The following MYH10 variants were observed in gnomAD, a reference collection of about 807,000 sequenced individuals.
The protein encoded by MYH10 is myosin-10.
A neutral mutation model predicts 257.8 loss-of-function variants in MYH10; 55 were observed. That is an observed-to-expected ratio of 0.21 (90% CI 0.17 to 0.27). The LOEUF (loss-of-function observed/expected upper bound fraction) is 0.27. Among genes scored for constraint, MYH10 ranks in the 10% least tolerant of loss-of-function variants. MYH10 has a pLI of 1.00. For synonymous variants in MYH10, 854 were observed against 921.7 expected (o/e 0.93, Z 1.33); for missense variants, 1,631 against 2,500.6 (o/e 0.65, Z 7.42).
chr17:8,561,260 G>A, intron 7 of MYH10: 2 of 965,878 alleles, frequency 2.1e-6, no homozygotes, highest in South Asian at 1.3e-5. Flanking sequence ...CAAAGGTCGT[G>A]CTGAAAAGGG....
At chr17:8,614,780 C>T (rs2085190069) in intron 2 of MYH10, among the ~76,000 whole-genome samples, 1 of 151,994 alleles carries the variant, frequency 6.6e-6, no homozygotes, top group African/African-American at 2.4e-5. Context: ...AGAGGACCAA[C>T]AAAGTCAAAA....
chr17:8,491,329 A>T (rs1289517410), intron 34 of MYH10, among the ~76,000 whole-genome samples: 1 of 152,218 alleles, frequency 6.6e-6, no homozygotes, highest in Non-Finnish European at 1.5e-5. Flanking sequence ...CAGAAAACGA[A>T]CATGAAATCA....
chr17:8,523,650 G>C (rs1047126531), intron 17 of MYH10, among the ~76,000 whole-genome samples: 4 of 152,190 alleles, frequency 2.6e-5, no homozygotes, highest in Admixed American at 2.0e-4. Context: ...CTGGGGAAGG[G>C]GGAGGGAGAA....
intron 38 of MYH10, 117 bp downstream of exon 38, chr17:8,481,205 G>T: frequency 2.0e-6 from 2 of 984,522 alleles, no homozygotes; most frequent in Non-Finnish European, 3.1e-6. Context: ...GGCAGCCCAG[G>T]CCCAGCGAGG....
intron 42 of MYH10, 126 bp from the exon 43 acceptor site, chr17:8,476,074 G>C (rs767420236): frequency 1.6e-5 from 18 of 1,111,852 alleles, no homozygotes; most frequent in Non-Finnish European, 2.3e-5. Flanking sequence ...ACGACCTTGT[G>C]GGGGTGGCGG....
chr17:8,606,796 T>C (rs141186974), intron 2 of MYH10, among the ~76,000 whole-genome samples: 53 of 152,356 alleles, frequency 3.5e-4, no homozygotes, highest in African/African-American at 1.2e-3. Flanking sequence ...GCCTTACTAC[T>C]GAGCAGACCA....
chr17:8,492,630 C>CCTTTTTTTTTTTTTTTTTTTTTT, intron 33 of MYH10, 121 bp from the exon 34 acceptor site: 1 of 1,184,178 alleles, frequency 8.4e-7, no homozygotes, highest in Non-Finnish European at 1.1e-6. Flanking sequence ...TCTTGTATTT[C>CCTTTTTTTTTTTTTTTTTTTTTT]CTTTTTTTTT....
intron 17 of MYH10, among the ~76,000 whole-genome samples, chr17:8,526,314 C>T (rs2151913818): frequency 6.6e-6 from 1 of 152,280 alleles, no homozygotes. Flanking sequence ...GAGAAGACTC[C>T]AGCAGCTCCT....
At chr17:8,509,359 A>T (rs1397808393) in intron 25 of MYH10, among the ~76,000 whole-genome samples, 1 of 152,182 alleles carries the variant, frequency 6.6e-6, no homozygotes, top group Non-Finnish European at 1.5e-5. Flanking sequence ...TTGTACGAGG[A>T]TAAAATAACT....
At chr17:8,488,484 GTCATGTATTT>G (rs1451652283) in intron 35 of MYH10, among the ~76,000 whole-genome samples, 1 of 152,090 alleles carries the variant, frequency 6.6e-6, no homozygotes, top group Non-Finnish European at 1.5e-5. Context: ...TGAATGTTTC[GTCATGTATTT>G]ATTAAGGTAT....
chr17:8,590,128 G>A (rs555854704), intron 3 of MYH10, among the ~76,000 whole-genome samples: 229 of 152,194 alleles, frequency 1.5e-3, no homozygotes, highest in African/African-American at 5.3e-3. Flanking sequence ...GGATGCCTCC[G>A]GTGCCTAAGG....
intron 7 of MYH10, among the ~76,000 whole-genome samples, chr17:8,561,838 T>C (rs1010794214): frequency 6.6e-6 from 1 of 152,016 alleles, no homozygotes; most frequent in East Asian, 1.9e-4. Flanking sequence ...GCCATGATAG[T>C]GAGTGCCAGT....
Position 8,490,176 on chromosome 17 carries a change from T to C in MYH10, c.4884+164A>G, listed in dbSNP as rs1386586527. On this transcript the variant is annotated intron_variant, in intron 35 of 42. Coordinates refer to ENST00000360416, the MANE Select transcript of MYH10 (RefSeq NM_001256012.3). This position sits in a 1 kb window ranked among gnomAD's most constrained non-coding sequence, Gnocchi z 4.1. ...AAGACCTAAACTAATTACAATAAAA[T>C]TTAAATAATAAAATTCTCAAATGAC... The C allele has an allele frequency of 2.7e-5, 17 of 622,860 alleles. No homozygotes were observed. In the East Asian group the frequency reaches 4.8e-4, roughly 18 times the overall value. The allele number at this position is 622,860 out of a possible 1,614,324, so 38.6% of individuals were successfully genotyped here. A position where few individuals can be genotyped will look rare whatever the true frequency, so the allele number is the denominator to read the frequency against.
intron 36 of MYH10, 124 bp downstream of exon 36, chr17:8,487,309 G>T: frequency 8.8e-7 from 1 of 1,131,968 alleles, no homozygotes; most frequent in Non-Finnish European, 1.3e-6. Flanking sequence ...TTTATGGCCT[G>T]CTGCCCCACC....
At chr17:8,591,765 G>C (rs1282269700) in intron 3 of MYH10, among the ~76,000 whole-genome samples, 1 of 151,954 alleles carries the variant, frequency 6.6e-6, no homozygotes, top group Admixed American at 6.6e-5. Flanking sequence ...CACGCTTCTT[G>C]CTATCCCACC....
chr17:8,589,093 G>T lies in MYH10; in HGVS notation c.518C>A (p.Ser173Ter). Residue 173 changes from serine (S) to a stop codon, truncating the protein, a stop_gained, in exon 4 of 43, where the codon TCA (serine) becomes TAA (stop). Transcript: ENST00000360416. LOFTEE classifies it high-confidence loss of function. ...RCMLQDREDQ[S>*]ILCTGESGAG... ...AACATTTACTTACGTGCAAAGAATTGACTGGTCCTCACGATCTATAAAACA... is the reference window on the plus strand; with the variant it reads ...AACATTTACTTACGTGCAAAGAATTTACTGGTCCTCACGATCTATAAAACA... 1 of 1,613,368 alleles carries T rather than the reference G, an allele frequency of 6.2e-7. No homozygotes were observed. The highest frequency in any genetic ancestry group is 1.1e-5 in the South Asian group (1 of 90,902).
chr17:8,594,141 ATATACAAAAAT>A (rs1260757926), intron 3 of MYH10, among the ~76,000 whole-genome samples: 1 of 152,218 alleles, frequency 6.6e-6, no homozygotes, highest in Non-Finnish European at 1.5e-5. Context: ...ACTTTGCACC[ATATACAAAAAT>A]TAAACCAAAA....
chr17:8,553,819 T>G, intron 8 of MYH10, 136 bp downstream of exon 8: 1 of 676,726 alleles, frequency 1.5e-6, no homozygotes, highest in East Asian at 2.7e-5. Context: ...CGAAAGTATT[T>G]GAACAAGGCA....
Position 8,585,230 on chromosome 17 carries a change from GTGTGTATATA to G in MYH10, c.530+3841_530+3850del, listed in dbSNP as rs1464678363. On this transcript the variant is annotated intron_variant, in intron 4 of 42. Transcript: ENST00000360416. The stretch of plus-strand genomic sequence containing the variant: ...TATGTGTGTGTGTGTACATATATGT[GTGTGTATATA>G]TGTGTATATATCTATATATGTGTAT... Among the ~76,000 whole-genome samples, 3 of 9,170 alleles carry G rather than the reference GTGTGTATATA, an allele frequency of 3.3e-4. No homozygotes were observed. The Non-Finnish European group carries it at 0.021, about 66-fold the overall frequency. 6.0% of individuals were successfully genotyped at this position (9,170 alleles called of 152,430 possible).
Sources: gnomAD v4.1 joint callset for allele counts (sites outside exome capture counted in the v4.1 genomes callset) on GRCh38, gnomAD v4.1.1 for gene constraint, Gnocchi (gnomAD v3.1) non-coding constraint, MANE v1.5 for transcripts, NCBI Gene and HGNC (gene_info 2026-07-23, HGNC 2026-07-21) for gene names.